Variants in GATA2 observed in about 807,000 individuals in gnomAD.
GATA2 encodes endothelial transcription factor GATA-2.
Under a neutral mutation model 35.7 loss-of-function variants are expected in GATA2, and 6 were observed. The observed-to-expected ratio is 0.17, with a 90% CI of 0.09 to 0.33. The LOEUF is 0.33. GATA2 is among the 10% of genes least tolerant of loss of function. GATA2 has a pLI of 1.00. For missense variants in GATA2, 541 were observed against 656.6 expected (o/e 0.82, Z 1.92); for synonymous variants, 313 against 274.9 (o/e 1.14, Z -1.37).
At chr3:128,492,555 C>T (rs891650897) in intron 1 of GATA2, among the ~76,000 whole-genome samples, 2 of 152,172 alleles carry the variant, frequency 1.3e-5, no homozygotes, top group African/African-American at 4.8e-5. Context: ...ACGCATCCGC[C>T]GCGGTGGCCT....
rs552855588 is a variant in GATA2, at chr3:128,493,188, G to C, written c.-335C>G. 6.6e-6 allele frequency: 1 copy of C among 152,158 alleles called. No homozygotes were observed. The highest frequency in any genetic ancestry group is 1.5e-5 in the Non-Finnish European group (1 of 68,034). 9.4% of individuals were successfully genotyped at this position (152,158 alleles called of 1,614,324 possible). A position where few individuals can be genotyped will look rare whatever the true frequency, so the allele number is the denominator to read the frequency against. On this transcript the variant is annotated 5_prime_UTR_variant, in exon 1 of 6. Transcript: ENST00000341105. ...GCCTCGCTACCTTCCTGGCGCTCACGCTGCCTCTCTCTCCCCCACCGGCCG... is the reference window on the plus strand; with the variant it reads ...GCCTCGCTACCTTCCTGGCGCTCACCCTGCCTCTCTCTCCCCCACCGGCCG...
intron 1 of GATA2, among the ~76,000 whole-genome samples, chr3:128,492,524 C>T (rs1576754235): frequency 6.6e-6 from 1 of 152,210 alleles, no homozygotes; most frequent in South Asian, 2.1e-4. Context: ...GGTGCAGCCG[C>T]CGCTCGGCGG....
In GATA2 at chr3:128,483,347, C is replaced by T. The variant is rs948289045; in HGVS notation, c.1017+513G>A. Among the ~76,000 whole-genome samples the T allele has an allele frequency of 1.3e-5, 2 of 152,090 alleles. No individual in the cohort carries two copies. Among genetic ancestry groups the T allele is most frequent in the Non-Finnish European group, 2.9e-5 (2 of 68,014 alleles). ...CTGCAGATGTCCGGATAGGAAACTC[C>T]GGCAGGAGATCCGAAAGGGCATTTT... On this transcript the variant is annotated intron_variant, in intron 4 of 5. Transcript: ENST00000341105.
chr3:128,483,835 C>T, intron 4 of GATA2, 25 bp downstream of exon 4: 1 of 1,614,126 alleles, frequency 6.2e-7, no homozygotes, highest in Non-Finnish European at 8.5e-7. Flanking sequence ...GCAGCCCCCT[C>T]CCAGCCACCT....
intron 2 of GATA2, 129 bp downstream of exon 2, chr3:128,486,674 C>T (rs2068703694): frequency 1.9e-6 from 2 of 1,031,258 alleles, no homozygotes; most frequent in Non-Finnish European, 2.9e-6. Context: ...CCCACCTCTC[C>T]CGCCCCAATT....
At chr3:128,491,566 G>A (rs1355282328) in intron 1 of GATA2, among the ~76,000 whole-genome samples, 1 of 152,140 alleles carries the variant, frequency 6.6e-6, no homozygotes, top group African/African-American at 2.4e-5. Context: ...GGGTTCCCAA[G>A]GGGGGGACTA....
chr3:128,491,795 G>C (rs2068771413), intron 1 of GATA2, among the ~76,000 whole-genome samples: 1 of 152,040 alleles, frequency 6.6e-6, no homozygotes. Context: ...CTTCAAGCCT[G>C]GCAGGCTCCC....
chr3:128,481,325 G>A lies in GATA2; in HGVS notation c.1144-7C>T. On this transcript the variant is annotated splice_polypyrimidine_tract_variant and splice_region_variant and intron_variant, in intron 5 of 5. Transcript: ENST00000341105. ...TGGTCAGTGGCCTGTTAACCTAGAG[G>A]CAACCACCAGTTTTCAGAGGGCCAG... 3 of 1,611,336 alleles carry A rather than the reference G, an allele frequency of 1.9e-6. No homozygotes were observed. Among genetic ancestry groups the A allele is most frequent in the Non-Finnish European group, 1.7e-6 (2 of 1,180,014 alleles).
Position 128,481,274 on chromosome 3 carries a change from C to T in GATA2, c.1188G>A (p.Arg396=). 1 of 1,614,156 alleles carries T rather than the reference C, an allele frequency of 6.2e-7. No individual in the cohort carries two copies. The highest frequency in any genetic ancestry group is 8.5e-7 in the Non-Finnish European group (1 of 1,180,038). The change falls in exon 6 of 6, where the codon CGG becomes CGA. Residue 396 remains arginine, a synonymous_variant. Transcript: ENST00000341105. ...TGGACTTGTTGGACATCTTCCGGTT[C>T]CGAGTCTGGATCCCTTCCTTCTTCA... ...LTMKKEGIQT[R]NRKMSNKSKK... is the part of the protein sequence containing the mutation.
intron 1 of GATA2, among the ~76,000 whole-genome samples, chr3:128,491,464 C>A (rs2068766840): frequency 6.6e-6 from 1 of 152,112 alleles, no homozygotes; most frequent in Admixed American, 6.5e-5. Context: ...TTGAGGGGTA[C>A]GGGGAGGAAG....
intron 5 of GATA2, among the ~76,000 whole-genome samples, chr3:128,481,577 C>CA (rs1412992007): frequency 2.6e-5 from 4 of 152,228 alleles, no homozygotes; most frequent in African/African-American, 9.7e-5. Flanking sequence ...TCCTCCCCCC[C>CA]ACCCTGACCC....
At position 128,483,972 on chromosome 3, in the gene GATA2, G is replaced by A. The variant is rs1237462942; in HGVS notation, c.905C>T (p.Ala302Val). Reference sequence around the variant, plus strand: ...GCCGTCCCGCCGCCAGAGAGGGGTGGCTGTGGCCCCACAGTTGACACACTC... The same window carrying A: ...GCCGTCCCGCCGCCAGAGAGGGGTGACTGTGGCCCCACAGTTGACACACTC... ...GRECVNCGAT[A>V]TPLWRRDGTG... Residue 302 changes from alanine to valine, a missense_variant, in exon 4 of 6, where the codon GCC becomes GTC. Ala to Val is a moderately conservative substitution (Grantham distance 64, BLOSUM62 0). Transcript: ENST00000341105. 1.9e-6 allele frequency: 3 copies of A among 1,614,002 alleles called. No individual in the cohort carries two copies. Among genetic ancestry groups the A allele is most frequent in the Non-Finnish European group, 2.5e-6 (3 of 1,180,038 alleles).
At chr3:128,490,415 A>G (rs2068756675) in intron 1 of GATA2, 1 of 152,312 alleles carries the variant, frequency 6.6e-6, no homozygotes, top group South Asian at 2.1e-4. Context: ...AATCCGGTGT[A>G]GAGGAAAAAA....
chr3:128,487,321 C>A (rs1056240484), intron 1 of GATA2, among the ~76,000 whole-genome samples: 1 of 152,194 alleles, frequency 6.6e-6, no homozygotes, highest in Non-Finnish European at 1.5e-5. Context: ...GGGTCACGCC[C>A]GGGGACGGGT....
Position 128,486,796 on chromosome 3 carries a change from T to G in GATA2, c.229+7A>C. 1 of 1,594,472 alleles carries G rather than the reference T, an allele frequency of 6.3e-7. No homozygotes were observed. The highest frequency in any genetic ancestry group is 1.8e-5 in the Admixed American group (1 of 55,916). ...TGGGTTCTCATCACCACGGGCCCAGTGCTCACCGTGCGCGGGGCTGTAGGA... is the reference window on the plus strand; with the variant it reads ...TGGGTTCTCATCACCACGGGCCCAGGGCTCACCGTGCGCGGGGCTGTAGGA... On this transcript the variant is annotated splice_region_variant and intron_variant, in intron 2 of 5. Coordinates refer to ENST00000341105, the MANE Select transcript of GATA2 (RefSeq NM_032638.5).
Position 128,486,309 on chromosome 3 carries a change from A to G in GATA2, c.289T>C (p.Trp97Arg), listed in dbSNP as rs1413946801. 6.3e-7 allele frequency: 1 copy of G among 1,595,690 alleles called. No homozygotes were observed. Residue 97 changes from tryptophan to arginine, a missense_variant, in exon 3 of 6, where the codon TGG (tryptophan) becomes CGG (arginine). Around this residue, in one of 5 missense-constraint regions of GATA2, gnomAD observed 389 missense variants for 396.9 expected, o/e 0.98. Transcript: ENST00000341105. ...AGGGCTGCTTTGCCCCCGTCCAGCC[A>G]GGGCAAACCCGGGCTGTGCAACAAG... is the stretch of plus-strand genomic sequence containing the variant. ...PHLLHSPGLP[W>R]LDGGKAALSA...
chr3:128,484,029 C>T (rs375325839), intron 3 of GATA2, 24 bp from the exon 4 acceptor site: 57 of 1,608,306 alleles, frequency 3.5e-5, no homozygotes, highest in Non-Finnish European at 4.3e-5. Context: ...GGGAGAGACA[C>T]GGGGGCCTGC....
In GATA2 at chr3:128,481,099, T is replaced by C. The variant is rs755408952; in HGVS notation, c.1363A>G (p.Thr455Ala). ...PFSHSGHILP[T>A]PTPIHPSSSL... is the part of the protein sequence containing the mutation. ...GAGGAGGGGTGGATGGGCGTCGGAGTGGGCAGGATGTGTCCGGAGTGGCTG... is the reference window on the plus strand; with the variant it reads ...GAGGAGGGGTGGATGGGCGTCGGAGCGGGCAGGATGTGTCCGGAGTGGCTG... The change falls in exon 6 of 6, where the codon ACT becomes GCT. Residue 455 changes from threonine to alanine, a missense_variant. This residue lies in a region of GATA2 where 95 missense variants were observed against 114.0 expected (regional missense o/e 0.83). Coordinates refer to ENST00000341105, the MANE Select transcript of GATA2 (RefSeq NM_032638.5). The C allele has an allele frequency of 7.4e-6, 12 of 1,611,524 alleles. No homozygotes were observed. Among genetic ancestry groups the C allele is most frequent in the Non-Finnish European group, 1.0e-5 (12 of 1,178,152 alleles).
intron 3 of GATA2, among the ~76,000 whole-genome samples, chr3:128,485,337 C>A (rs2107671467): frequency 6.6e-6 from 1 of 152,320 alleles, no homozygotes; most frequent in South Asian, 2.1e-4. Flanking sequence ...CACGTATACA[C>A]ATGCACACAC....
Sources: gnomAD v4.1 joint callset for allele counts (sites outside exome capture counted in the v4.1 genomes callset) on GRCh38, gnomAD v4.1.1 for gene constraint, gnomAD v4.1.1 regional missense constraint, MANE v1.5 for transcripts, NCBI Gene and HGNC (gene_info 2026-07-23, HGNC 2026-07-21) for gene names.